The following CACNA1C variants were observed in gnomAD, a reference collection of about 807,000 sequenced individuals.
CACNA1C encodes the protein calcium voltage-gated channel subunit alpha1 C.
In CACNA1C, 30 loss-of-function variants were observed where a neutral mutation model predicts 229.0. The observed-to-expected ratio is 0.13, with a 90% CI of 0.10 to 0.18. The LOEUF is 0.18. CACNA1C is among the 10% of genes least tolerant of loss of function. The pLI is 1.00. For synonymous variants in CACNA1C, 1,114 were observed against 1,132.5 expected (o/e 0.98, Z 0.33); for missense variants, 1,658 against 2,845.0 (o/e 0.58, Z 9.49).
At chr12:2,193,414 C>T (rs540860129) in intron 3 of CACNA1C, among the ~76,000 whole-genome samples, 5 of 152,230 alleles carry the variant, frequency 3.3e-5, no homozygotes, top group Admixed American at 6.5e-5. Flanking sequence ...GAGATTGCAC[C>T]ATTGAACTCC....
In CACNA1C at chr12:1,971,043, T is replaced by C; in HGVS notation, c.-20T>C. On this transcript the variant is annotated 5_prime_UTR_variant, in exon 1 of 47. Transcript: ENST00000682462. This position sits in a 1 kb window ranked among gnomAD's most constrained non-coding sequence, Gnocchi z 4.2. ...TTAGCTTTAAAAATCAACCAATTAA[T>C]ATACATCTGGAAATTCACAATGCTT... The C allele has an allele frequency of 7.8e-7, 1 of 1,278,242 alleles. No homozygotes were observed. The allele number at this position is 1,278,242 out of a possible 1,614,324, so 79.2% of individuals were successfully genotyped here.
At chr12:2,369,779 A>G (rs918596841) in intron 3 of CACNA1C, among the ~76,000 whole-genome samples, 1 of 152,208 alleles carries the variant, frequency 6.6e-6, no homozygotes, top group African/African-American at 2.4e-5. Flanking sequence ...AAAATAAACC[A>G]TAAGACTTGG....
rs1252420492 is a variant in CACNA1C, at chr12:2,363,990, C to T, written c.478-84986C>T. Among the ~76,000 whole-genome samples, 12 of 152,200 alleles carry T rather than the reference C, an allele frequency of 7.9e-5. No individual in the cohort carries two copies. The East Asian group carries it at 1.5e-3, about 20-fold the overall frequency. ...TCATCCCCTCGTGCCTGGTGACGAT[C>T]AGCCCTTAGAGCTTTGAGTGCCAGT... On this transcript the variant is annotated intron_variant, in intron 3 of 46. Coordinates refer to ENST00000399655, the MANE Select transcript of CACNA1C (RefSeq NM_000719.7).
At chr12:2,208,335 C>A (rs1307167474) in intron 3 of CACNA1C, among the ~76,000 whole-genome samples, 1 of 152,238 alleles carries the variant, frequency 6.6e-6, no homozygotes, top group Non-Finnish European at 1.5e-5. Flanking sequence ...AGACAACGCA[C>A]TGCTCAGAGA....
At position 2,647,733 on chromosome 12, in the gene CACNA1C, G is replaced by A. The variant is rs952553914; in HGVS notation, c.3913-742G>A. On this transcript the variant is annotated intron_variant, in intron 30 of 46. Transcript: ENST00000399655. This position sits in a 1 kb window ranked among gnomAD's most constrained non-coding sequence, Gnocchi z 4.2. ...TATGTGGGCAAGGATAGGCTCTGGG[G>A]TCAGCAAGGCCTCTGTCCTTCAGCT... Among the ~76,000 whole-genome samples, 1 of 152,206 alleles carries A rather than the reference G, an allele frequency of 6.6e-6. No homozygotes were observed. The highest frequency in any genetic ancestry group is 1.5e-5 in the Non-Finnish European group (1 of 68,028).
rs1465876006 is a variant in CACNA1C at position 2,633,843 on chromosome 12, C to T, written c.3829-454C>T. 1.6e-6 allele frequency: 1 copy of T among 630,602 alleles called. No individual in the cohort carries two copies. Among genetic ancestry groups the T allele is most frequent in the African/African-American group, 1.9e-5 (1 of 53,416 alleles). The allele number at this position is 630,602 out of a possible 1,614,324, so 39.1% of individuals were successfully genotyped here. ...TTTAATTTCCTGTTTTTACCCGCCTCCAGTCATGCCTTTTATTGAACCTGC... is the reference window on the plus strand; with the variant it reads ...TTTAATTTCCTGTTTTTACCCGCCTTCAGTCATGCCTTTTATTGAACCTGC... On this transcript the variant is annotated intron_variant, in intron 29 of 46. Transcript: ENST00000399655. This position sits in a 1 kb window ranked among gnomAD's most constrained non-coding sequence, Gnocchi z 5.8.
chr12:2,315,029 A>G (rs975378734), intron 3 of CACNA1C, among the ~76,000 whole-genome samples: 1 of 152,120 alleles, frequency 6.6e-6, no homozygotes, highest in Non-Finnish European at 1.5e-5. Flanking sequence ...GAGGACTGCT[A>G]TTTCTTGATT....
At chr12:2,656,339 A>G (rs987278753) in intron 34 of CACNA1C, among the ~76,000 whole-genome samples, 3 of 152,238 alleles carry the variant, frequency 2.0e-5, no homozygotes, top group African/African-American at 7.2e-5. Flanking sequence ...TCCCTTTTAC[A>G]ATAGCATCAA....
chr12:2,450,580 G>GAAA (rs2099360334), intron 4 of CACNA1C, among the ~76,000 whole-genome samples: 4 of 112,820 alleles, frequency 3.5e-5, no homozygotes, highest in East Asian at 2.4e-4. Flanking sequence ...AAAAAAAAAC[G>GAAA]CAGGTGATGA....
At chr12:2,345,104 A>C (rs1054347446) in intron 3 of CACNA1C, among the ~76,000 whole-genome samples, 1 of 150,552 alleles carries the variant, frequency 6.6e-6, no homozygotes, top group Non-Finnish European at 1.5e-5. Context: ...GAGGAACTGC[A>C]TGCTCAATCA....
intron 3 of CACNA1C, among the ~76,000 whole-genome samples, chr12:2,422,208 A>G (rs1257211584): frequency 1.3e-5 from 2 of 152,222 alleles, no homozygotes; most frequent in Admixed American, 6.5e-5. Context: ...CATAGAAACA[A>G]TTATTCAATA....
intron 38 of CACNA1C, among the ~76,000 whole-genome samples, chr12:2,669,498 T>G (rs2096436018): frequency 6.6e-6 from 1 of 152,216 alleles, no homozygotes; most frequent in South Asian, 2.1e-4. Flanking sequence ...CATGAAACTC[T>G]GGGACTCATT....
rs2094463337 is a variant in CACNA1C, at chr12:2,647,325, C to T, written c.3913-1150C>T. The stretch of plus-strand genomic sequence containing the variant: ...GAGCCCAAAACGTAAGGGCACCTTC[C>T]CAGATCCAGGCTCCAGGAACTCGGG... On this transcript the variant is annotated intron_variant, in intron 30 of 46. Transcript: ENST00000399655. This position sits in a 1 kb window ranked among gnomAD's most constrained non-coding sequence, Gnocchi z 4.2. 6.6e-6 allele frequency among the ~76,000 whole-genome samples: 1 copy of T among 152,186 alleles called. No homozygotes were observed. The highest frequency in any genetic ancestry group is 6.5e-5 in the Admixed American group (1 of 15,282).
At chr12:2,674,474 C>T (rs2096707608) in intron 38 of CACNA1C, 67 bp from the exon 39 acceptor site, 2 of 1,520,392 alleles carry the variant, frequency 1.3e-6, no homozygotes, top group Non-Finnish European at 1.8e-6. Flanking sequence ...TGGCTTCCTA[C>T]CTTACGCAGA....
chr12:2,042,325 A>T (rs944197675), intron 1 of CACNA1C, among the ~76,000 whole-genome samples: 1 of 152,328 alleles, frequency 6.6e-6, no homozygotes, highest in Non-Finnish European at 1.5e-5. Context: ...TTTAAAATTT[A>T]AAAATTTTAT....
intron 1 of CACNA1C, among the ~76,000 whole-genome samples, chr12:2,012,704 C>T (rs1416683353): frequency 1.3e-5 from 2 of 152,138 alleles, no homozygotes; most frequent in Non-Finnish European, 2.9e-5. Flanking sequence ...CAGTAAAATA[C>T]AGTGTATAAT....
chr12:2,084,770 G>GCC (rs1185077389), intron 1 of CACNA1C, among the ~76,000 whole-genome samples: 1 of 152,204 alleles, frequency 6.6e-6, no homozygotes, highest in Non-Finnish European at 1.5e-5. Context: ...TTGAGTCGTA[G>GCC]CCTACTAAAA....
intron 3 of CACNA1C, among the ~76,000 whole-genome samples, chr12:2,418,139 G>C (rs2098934746): frequency 6.6e-6 from 1 of 152,126 alleles, no homozygotes; most frequent in African/African-American, 2.4e-5. Context: ...CAGCTGCATA[G>C]ACAGATAGGC....
rs750843602 is a variant in CACNA1C at position 2,549,980 on chromosome 12, C to T, written c.1428C>T (p.Thr476=). The part of the protein sequence containing the change: ...MPTSETESVN[T]ENVAGGDIEG... Reference sequence around the variant, plus strand: ...CCAGTGAGACCGAGTCCGTCAACACCGAAAACGTGGCTGGAGGTGACATCG... The same window carrying T: ...CCAGTGAGACCGAGTCCGTCAACACTGAAAACGTGGCTGGAGGTGACATCG... Residue 476 remains threonine, a synonymous_variant, in exon 10 of 47, where the codon ACC becomes ACT. Transcript: ENST00000399655. 38 of 1,608,130 alleles carry T rather than the reference C, an allele frequency of 2.4e-5. No homozygotes were observed. Among genetic ancestry groups the T allele is most frequent in the Non-Finnish European group, 3.1e-5 (37 of 1,177,408 alleles).
Sources: gnomAD v4.1 joint callset for allele counts (sites outside exome capture counted in the v4.1 genomes callset) on GRCh38, gnomAD v4.1.1 for gene constraint, Gnocchi (gnomAD v3.1) non-coding constraint, MANE v1.5 for transcripts, NCBI Gene and HGNC (gene_info 2026-07-23, HGNC 2026-07-21) for gene names.